The following EFNA5 variants were observed in gnomAD, a reference collection of about 807,000 sequenced individuals.
EFNA5 encodes ephrin-A5.
A neutral mutation model predicts 22.9 loss-of-function variants in EFNA5; 5 were observed. That is an observed-to-expected ratio of 0.22 (90% confidence interval 0.11 to 0.46). The LOEUF (loss-of-function observed/expected upper bound fraction) is 0.46. Among genes scored for constraint, EFNA5 ranks in the 20% least tolerant of loss-of-function variants. EFNA5 has a pLI of 0.99. For synonymous variants in EFNA5, 113 were observed against 112.2 expected, an observed-to-expected ratio of 1.01 and a Z score of -0.04; for missense variants, 237 against 293.3, an observed-to-expected ratio of 0.81 and a Z score of 1.40.
chr5:107,531,835 A>G (rs1747815837), intron 1 of EFNA5, among the ~76,000 whole-genome samples: 1 of 152,224 alleles, frequency 6.6e-6, no homozygotes, highest in African/African-American at 2.4e-5. Context: ...GATTTAGTAG[A>G]TATCCCTTCA....
chr5:107,469,646 C>A (rs528588255), intron 1 of EFNA5, among the ~76,000 whole-genome samples: 2 of 152,060 alleles, frequency 1.3e-5, no homozygotes, highest in East Asian at 3.9e-4. Context: ...AGAGAAGTTA[C>A]TGCCCCCCCT....
chr5:107,463,025 C>T (rs1749873925), intron 1 of EFNA5, among the ~76,000 whole-genome samples: 1 of 152,130 alleles, frequency 6.6e-6, no homozygotes, highest in Non-Finnish European at 1.5e-5. Context: ...ATATACTCTC[C>T]AGGGTTCAGT....
intron 1 of EFNA5, among the ~76,000 whole-genome samples, chr5:107,526,438 T>C (rs1747697301): frequency 6.6e-6 from 1 of 152,238 alleles, no homozygotes; most frequent in Admixed American, 6.5e-5. Flanking sequence ...ATGTGGTCTC[T>C]GCTCACTCTG....
chr5:107,596,416 C>G (rs1749475038), intron 1 of EFNA5, among the ~76,000 whole-genome samples: 1 of 152,098 alleles, frequency 6.6e-6, no homozygotes, highest in Non-Finnish European at 1.5e-5. Context: ...CCTGAAGGCT[C>G]ATTTGAGGTG....
rs766061649 is a variant in EFNA5, at chr5:107,387,698, G to A, written c.484+8C>T. ...GCCACCCTCTGAAGCTCATTCTAGTGAACTTACTTGTTGGTCTCACAAAGA... is the reference window on the plus strand; with the variant it reads ...GCCACCCTCTGAAGCTCATTCTAGTAAACTTACTTGTTGGTCTCACAAAGA... On this transcript the variant is annotated splice_region_variant and intron_variant, in intron 3 of 4. Coordinates refer to ENST00000333274, the MANE Select transcript of EFNA5 (RefSeq NM_001962.3). The A allele has an allele frequency of 2.5e-6, 4 of 1,605,496 alleles. No homozygotes were observed. The highest frequency in any genetic ancestry group is 2.2e-5 in the East Asian group (1 of 44,802).
At chr5:107,643,674 C>T (rs532854228) in intron 1 of EFNA5, among the ~76,000 whole-genome samples, 3 of 148,886 alleles carry the variant, frequency 2.0e-5, no homozygotes, top group South Asian at 2.1e-4. Context: ...GTAAGCTTGA[C>T]GAGAGGGGGA....
At chr5:107,423,257 T>C (rs962392966) in intron 2 of EFNA5, among the ~76,000 whole-genome samples, 2 of 152,180 alleles carry the variant, frequency 1.3e-5, no homozygotes, top group African/African-American at 2.4e-5. Flanking sequence ...ATCAGTGTTT[T>C]ATGGAATTAC....
intron 2 of EFNA5, among the ~76,000 whole-genome samples, chr5:107,410,490 T>C (rs1328694237): frequency 6.6e-6 from 1 of 152,146 alleles, no homozygotes; most frequent in Non-Finnish European, 1.5e-5. Context: ...ATACTTTAAA[T>C]GTGAATGGGA....
intron 1 of EFNA5, among the ~76,000 whole-genome samples, chr5:107,448,761 T>C (rs930606077): frequency 2.0e-5 from 3 of 150,676 alleles, no homozygotes; most frequent in Non-Finnish European, 1.5e-5. Flanking sequence ...ACCCGGGAGA[T>C]GGAGGTTGCA....
chr5:107,659,146 T>G (rs1411778761), intron 1 of EFNA5, among the ~76,000 whole-genome samples: 1 of 152,168 alleles, frequency 6.6e-6, no homozygotes, highest in Non-Finnish European at 1.5e-5. Flanking sequence ...CAAATATCAC[T>G]CAATAGTTTA....
chr5:107,571,539 C>T (rs529645769), intron 1 of EFNA5, among the ~76,000 whole-genome samples: 74 of 146,958 alleles, frequency 5.0e-4, no homozygotes, highest in African/African-American at 1.8e-3. Flanking sequence ...GGGTCATCCT[C>T]TTTTTTTTTT....
intron 1 of EFNA5, among the ~76,000 whole-genome samples, chr5:107,473,043 T>G (rs995807170): frequency 6.6e-6 from 1 of 152,134 alleles, no homozygotes; most frequent in Admixed American, 6.5e-5. Context: ...CCTTACCTCC[T>G]GGGGTTGCTC....
chr5:107,546,699 G>A (rs1386238454), intron 1 of EFNA5, among the ~76,000 whole-genome samples: 2 of 133,044 alleles, frequency 1.5e-5, no homozygotes, highest in Non-Finnish European at 3.3e-5. Flanking sequence ...CTCACCCCTG[G>A]TGTAGGAAAG....
intron 1 of EFNA5, among the ~76,000 whole-genome samples, chr5:107,442,185 T>A (rs1033376666): frequency 7.1e-6 from 1 of 141,202 alleles, no homozygotes; most frequent in Non-Finnish European, 1.6e-5. Flanking sequence ...ATGGCCTTTT[T>A]TTTTCCCATT....
intron 1 of EFNA5, among the ~76,000 whole-genome samples, chr5:107,559,572 C>T (rs776445800): frequency 6.6e-6 from 1 of 152,192 alleles, no homozygotes; most frequent in African/African-American, 2.4e-5. Flanking sequence ...AAAGACCCAA[C>T]TACATCTGTT....
chr5:107,619,780 C>T (rs913902662), intron 1 of EFNA5, among the ~76,000 whole-genome samples: 2 of 152,290 alleles, frequency 1.3e-5, no homozygotes, highest in Non-Finnish European at 1.5e-5. Flanking sequence ...GGACTTTCTT[C>T]TGTCTTTCAG....
chr5:107,644,173 C>A (rs1296680609), intron 1 of EFNA5, among the ~76,000 whole-genome samples: 2 of 152,020 alleles, frequency 1.3e-5, no homozygotes, highest in African/African-American at 4.8e-5. Flanking sequence ...CTGAAAGATG[C>A]AGGCGGAAGG....
intron 1 of EFNA5, among the ~76,000 whole-genome samples, chr5:107,669,131 G>A (rs780448028): frequency 3.3e-5 from 5 of 152,030 alleles, no homozygotes; most frequent in Non-Finnish European, 4.4e-5. Flanking sequence ...CATTATTCAA[G>A]CAGGGAATCC....
chr5:107,395,178 A>T lies in EFNA5; in HGVS notation c.419-7407T>A, dbSNP rs192250003. 9.2e-5 allele frequency among the ~76,000 whole-genome samples: 14 copies of T among 151,958 alleles called. No homozygotes were observed. The East Asian group carries it at 2.5e-3, about 27-fold the overall frequency. On this transcript the variant is annotated intron_variant, in intron 2 of 4. Coordinates refer to ENST00000333274, the MANE Select transcript of EFNA5 (RefSeq NM_001962.3). The stretch of plus-strand genomic sequence containing the variant: ...CTCAGCCTCCTGAGTAGCTGGGATT[A>T]CAAGTGCATGCCAACATGCCTGGCT...
Sources: gnomAD v4.1 joint callset for allele counts (sites outside exome capture counted in the v4.1 genomes callset) on GRCh38, gnomAD v4.1.1 for gene constraint, MANE v1.5 for transcripts, NCBI Gene and HGNC (gene_info 2026-07-23, HGNC 2026-07-21) for gene names.